ADD1: variants seen among roughly 807,000 people sequenced by gnomAD.
ADD1 encodes the protein alpha-adducin.
In ADD1, 24 loss-of-function variants were observed where a neutral mutation model predicts 80.5. The ratio of observed to expected loss-of-function variants is 0.30; its 90% CI spans 0.22 to 0.42. The LOEUF (loss-of-function observed/expected upper bound fraction) is 0.42. ADD1 is among the 10% of genes least tolerant of loss of function. ADD1 has a pLI of 1.00. For synonymous variants in ADD1, 373 were observed against 393.8 expected (o/e 0.95, Z 0.63); for missense variants, 948 against 1,019.0 (o/e 0.93, Z 0.95).
At chr4:2,863,578 G>GAT (rs1048258310) in intron 1 of ADD1, among the ~76,000 whole-genome samples, 11 of 152,164 alleles carry the variant, frequency 7.2e-5, no homozygotes, top group Non-Finnish European at 1.6e-4. Context: ...TGGAAGCCAG[G>GAT]ATACTTGGTT....
At chr4:2,899,827 G>T (rs1577634172) in intron 9 of ADD1, 3 of 336,584 alleles carry the variant, frequency 8.9e-6, no homozygotes, top group Non-Finnish European at 1.7e-5. Context: ...CTGGCTGTCT[G>T]GGGCCTGATG....
intron 13 of ADD1, among the ~76,000 whole-genome samples, chr4:2,911,435 T>C (rs112383478): frequency 4.6e-5 from 6 of 130,320 alleles, no homozygotes; most frequent in Non-Finnish European, 6.4e-5. Flanking sequence ...GAAATACATA[T>C]ATATATATAT....
intron 4 of ADD1, among the ~76,000 whole-genome samples, chr4:2,885,685 C>T (rs572716864): frequency 2.6e-4 from 39 of 152,026 alleles, no homozygotes; most frequent in African/African-American, 8.9e-4. Context: ...TCTCGGCTCA[C>T]TGCAAGCTCC....
At chr4:2,881,457 A>G in intron 2 of ADD1, 1 of 153,412 alleles carries the variant, frequency 6.5e-6, no homozygotes, top group Non-Finnish European at 1.5e-5. Flanking sequence ...GCTTGATAAC[A>G]TTGTCACTCA....
intron 4 of ADD1, among the ~76,000 whole-genome samples, chr4:2,889,775 T>C (rs1285404883): frequency 5.2e-4 from 79 of 152,184 alleles, no homozygotes; most frequent in Non-Finnish European, 1.2e-4. Context: ...TGAGCTGAGA[T>C]TGTGCCACTG....
chr4:2,926,464 C>T lies in ADD1; in HGVS notation c.2047+352C>T, dbSNP rs1711647778. 3 of 729,516 alleles carry T rather than the reference C, an allele frequency of 4.1e-6. No homozygotes were observed. The highest frequency in any genetic ancestry group is 1.7e-5 in the African/African-American group (1 of 57,698). The allele number at this position is 729,516 out of a possible 1,614,324, so 45.2% of individuals were successfully genotyped here. ...TGTGTGAGCCACACGCCGGCTGCCT[C>T]TCAGCCACCGTGTGTCTGTGGTGTG... On this transcript the variant is annotated intron_variant, in intron 15 of 15. Coordinates refer to ENST00000683351, the MANE Select transcript of ADD1 (RefSeq NM_001354761.2). The surrounding 1 kb of genome is among the most constrained non-coding windows in gnomAD (Gnocchi z 5.0).
At chr4:2,884,831 G>A (rs895000447) in intron 4 of ADD1, among the ~76,000 whole-genome samples, 165 bp downstream of exon 4, 17 of 152,208 alleles carry the variant, frequency 1.1e-4, no homozygotes, top group African/African-American at 3.9e-4. Context: ...GAATCAGCCA[G>A]TTTGGGTTAA....
chr4:2,899,664 G>T, intron 9 of ADD1: 1 of 553,884 alleles, frequency 1.8e-6, no homozygotes, highest in Non-Finnish European at 3.2e-6. Flanking sequence ...CCTTGTGTTT[G>T]GACTCAGTGG....
intron 10 of ADD1, chr4:2,907,223 G>C (rs1737208857): frequency 6.5e-6 from 1 of 153,252 alleles, no homozygotes; most frequent in Non-Finnish European, 1.5e-5. Flanking sequence ...TGGGTTGAAA[G>C]TTACGCAGAC....
intron 9 of ADD1, 67 bp downstream of exon 9, chr4:2,899,502 C>G: frequency 6.4e-7 from 1 of 1,573,586 alleles, no homozygotes; most frequent in Non-Finnish European, 8.7e-7. Context: ...GGTGTTCTTA[C>G]AGCAAGTGCG....
intron 1 of ADD1, among the ~76,000 whole-genome samples, chr4:2,851,320 A>G (rs531410335): frequency 6.6e-6 from 1 of 152,358 alleles, no homozygotes; most frequent in East Asian, 1.9e-4. Context: ...TAATAATAAC[A>G]GTCATATCTA....
intron 4 of ADD1, among the ~76,000 whole-genome samples, chr4:2,890,502 G>A (rs570967350): frequency 6.6e-6 from 1 of 152,216 alleles, no homozygotes; most frequent in South Asian, 2.1e-4. Flanking sequence ...TGCCTCCCAG[G>A]TTCACGCCAT....
intron 9 of ADD1, among the ~76,000 whole-genome samples, chr4:2,903,339 C>T (rs1183043890): frequency 6.6e-6 from 1 of 152,198 alleles, no homozygotes; most frequent in Admixed American, 6.5e-5. Flanking sequence ...CCTCTCTGTG[C>T]TGGGCAACAA....
chr4:2,891,802 C>T (rs966099831), intron 4 of ADD1, among the ~76,000 whole-genome samples: 1 of 152,124 alleles, frequency 6.6e-6, no homozygotes, highest in Non-Finnish European at 1.5e-5. Context: ...GCTCTTAACC[C>T]TGTTATGCTC....
intron 1 of ADD1, among the ~76,000 whole-genome samples, chr4:2,869,721 T>G (rs1730124366): frequency 6.6e-6 from 1 of 152,202 alleles, no homozygotes. Flanking sequence ...CAGTCTCTGG[T>G]GCCTTGCATG....
chr4:2,847,823 A>T (rs1368414836), intron 1 of ADD1, among the ~76,000 whole-genome samples: 1 of 152,158 alleles, frequency 6.6e-6, no homozygotes. Context: ...TAGGTGAGAG[A>T]CAAATGGTTG....
intron 13 of ADD1, among the ~76,000 whole-genome samples, chr4:2,911,002 G>T (rs1379944960): frequency 2.0e-5 from 3 of 152,142 alleles, no homozygotes; most frequent in Admixed American, 6.5e-5. Flanking sequence ...GTGAGAATGT[G>T]CTTTGGCTCC....
chr4:2,876,044 A>G lies in ADD1; in HGVS notation c.129A>G (p.Pro43=), dbSNP rs146519461. 5.7e-4 allele frequency: 925 copies of G among 1,614,168 alleles called. 1 individual carries two copies. Among genetic ancestry groups the G allele is most frequent in the Middle Eastern group, 3.6e-3 (22 of 6,062 alleles). ...ACTTGAGGGAGAGGAACATGGCACC[A>G]GACCTTCGCCAGGACTTCAACATGA... ...PEYLRERNMA[P]DLRQDFNMME... Residue 43 remains proline (P), a synonymous_variant, in exon 2 of 16, where the codon CCA becomes CCG. Transcript: ENST00000683351.
chr4:2,887,167 T>C (rs1213273212), intron 4 of ADD1, among the ~76,000 whole-genome samples: 6 of 152,216 alleles, frequency 3.9e-5, no homozygotes, highest in African/African-American at 1.4e-4. Context: ...TCTTATAAAC[T>C]AGAACTAGAG....
Sources: allele counts gnomAD v4.1 joint callset (sites outside exome capture counted in the v4.1 genomes callset), GRCh38; gene constraint gnomAD v4.1.1; non-coding constraint Gnocchi (gnomAD v3.1); transcripts MANE v1.5; gene names NCBI Gene and HGNC (gene_info 2026-07-23, HGNC 2026-07-21).